Variants in RHEX observed in about 807,000 individuals in gnomAD.
RHEX encodes regulator of hemoglobinization and erythroid cell expansion.
In RHEX, 18 loss-of-function variants were observed where a neutral mutation model predicts 20.1. The observed-to-expected ratio is 0.90, with a 90% confidence interval of 0.62 to 1.33. The LOEUF is 1.33. RHEX is among the 40% of genes most tolerant of loss of function. The pLI is 0.00. For missense variants in RHEX, 192 were observed against 214.3 expected (o/e 0.90, Z 0.65); for synonymous variants, 87 against 77.1 (o/e 1.13, Z -0.67).
intron 3 of RHEX, among the ~76,000 whole-genome samples, chr1:206,099,280 C>T (rs530911865): frequency 1.4e-4 from 21 of 150,978 alleles, no homozygotes; most frequent in South Asian, 2.1e-4. Flanking sequence ...GTTCAACAGG[C>T]GCTGATTCAA....
rs781926574 is a variant in RHEX at position 206,101,170 on chromosome 1, C to T, written c.291C>T (p.Ser97=). 6.2e-7 allele frequency: 1 copy of T among 1,613,144 alleles called. No homozygotes were observed. Among genetic ancestry groups the T allele is most frequent in the South Asian group, 1.1e-5 (1 of 90,890 alleles). ...DSDTPSDSLD[S]SCSSPPACQA... ...ACACACCCTCAGATAGCTTGGATAG[C>T]TCCTGCAGTTCGCCTCCTGCCTGCC... Residue 97 remains serine, a synonymous_variant, in exon 5 of 6, where the codon AGC becomes AGT. Transcript: ENST00000331555.
At position 206,071,211 on chromosome 1, in the gene RHEX, T is replaced by TG. The variant is rs1662522436; in HGVS notation, c.-97+17948dup. Among the ~76,000 whole-genome samples the TG allele has an allele frequency of 3.9e-5, 6 of 152,098 alleles. No individual in the cohort carries two copies. The South Asian group carries it at 1.2e-3, about 32-fold the overall frequency. ...CCAAGAGTCCAAAAGCTGAAGAACT[T>TG]GGAGTCTAATGTTCAAGGGCAGGAA... On this transcript the variant is annotated intron_variant, in intron 1 of 5. Transcript: ENST00000331555.
intron 1 of RHEX, among the ~76,000 whole-genome samples, chr1:206,070,798 A>G (rs1662510595): frequency 6.6e-6 from 1 of 151,960 alleles, no homozygotes; most frequent in South Asian, 2.1e-4. Context: ...CCTCCCCACC[A>G]CTGGTCACCC....
intron 1 of RHEX, among the ~76,000 whole-genome samples, chr1:206,070,940 G>C (rs548832722): frequency 1.2e-4 from 19 of 152,240 alleles, no homozygotes; most frequent in African/African-American, 4.1e-4. Flanking sequence ...GATAGGTATT[G>C]GCTGATTTTA....
At chr1:206,060,547 C>T (rs1372654780) in intron 1 of RHEX, 2 of 152,480 alleles carry the variant, frequency 1.3e-5, no homozygotes, top group East Asian at 3.8e-4. Context: ...GTGATGGAGG[C>T]TAGAGCTGAA....
At chr1:206,100,762 A>G (rs1553288279) in intron 4 of RHEX, among the ~76,000 whole-genome samples, 1 of 152,204 alleles carries the variant, frequency 6.6e-6, no homozygotes, top group East Asian at 1.9e-4. Context: ...AGCTGTTTGC[A>G]TTGGGTCACA....
At chr1:206,059,092 A>G (rs563982776) in intron 1 of RHEX, among the ~76,000 whole-genome samples, 1 of 152,196 alleles carries the variant, frequency 6.6e-6, no homozygotes, top group African/African-American at 2.4e-5. Flanking sequence ...CCCCAGCTGG[A>G]GACCCAAGTT....
At chr1:206,094,619 A>G (rs979199417) in intron 1 of RHEX, among the ~76,000 whole-genome samples, 24 of 152,344 alleles carry the variant, frequency 1.6e-4, no homozygotes, top group African/African-American at 5.5e-4. Context: ...ACTGAATTCA[A>G]TAATTAACAT....
At chr1:206,057,438 T>C (rs1262702719) in intron 1 of RHEX, among the ~76,000 whole-genome samples, 1 of 152,278 alleles carries the variant, frequency 6.6e-6, no homozygotes. Context: ...TTAGTTGTCT[T>C]GGGCAAAAGC....
chr1:206,094,613 A>T (rs1553287457), intron 1 of RHEX, among the ~76,000 whole-genome samples: 1 of 152,242 alleles, frequency 6.6e-6, no homozygotes. Flanking sequence ...TGAGACACTG[A>T]ATTCAATAAT....
At chr1:206,056,650 G>T (rs1662200276) in intron 1 of RHEX, among the ~76,000 whole-genome samples, 1 of 152,176 alleles carries the variant, frequency 6.6e-6, no homozygotes, top group African/African-American at 2.4e-5. Context: ...TACAATTAAG[G>T]ACTGGTCCTT....
intron 1 of RHEX, among the ~76,000 whole-genome samples, chr1:206,064,416 C>G: frequency 1.7e-5 from 2 of 120,296 alleles, no homozygotes; most frequent in Admixed American, 7.7e-5. Context: ...GCCCGGCCAG[C>G]CGCCCCGTCC....
chr1:206,102,286 T>G lies in RHEX; in HGVS notation c.*334T>G, dbSNP rs1558181801. ...GAACTATGGAGTCCATCAGCAGAGATAGTAGTGAAGTCTCTCCCCAGGGAA... is the reference window on the plus strand; with the variant it reads ...GAACTATGGAGTCCATCAGCAGAGAGAGTAGTGAAGTCTCTCCCCAGGGAA... On this transcript the variant is annotated 3_prime_UTR_variant, in exon 6 of 6. Coordinates refer to ENST00000331555, the MANE Select transcript of RHEX (RefSeq NM_001007544.4). The G allele has an allele frequency of 6.9e-6, 2 of 287,868 alleles. No individual in the cohort carries two copies. The highest frequency in any genetic ancestry group is 2.1e-5 in the African/African-American group (1 of 46,640). The allele number at this position is 287,868 out of a possible 1,614,324, so 17.8% of individuals were successfully genotyped here. A position where few individuals can be genotyped will look rare whatever the true frequency, so the allele number is the denominator to read the frequency against.
intron 1 of RHEX, among the ~76,000 whole-genome samples, chr1:206,075,875 A>G (rs1571862110): frequency 6.6e-6 from 1 of 152,230 alleles, no homozygotes; most frequent in African/African-American, 2.4e-5. Flanking sequence ...TCCTACGATT[A>G]CAGGCATGAG....
chr1:206,055,332 TCAGC>T (rs1266964937), intron 1 of RHEX, among the ~76,000 whole-genome samples: 1 of 152,266 alleles, frequency 6.6e-6, no homozygotes, highest in Admixed American at 6.5e-5. Flanking sequence ...TATCAGTCAG[TCAGC>T]CCTTGTTCAT....
At chr1:206,053,867 G>A (rs1553282130) in intron 1 of RHEX, among the ~76,000 whole-genome samples, 1 of 152,202 alleles carries the variant, frequency 6.6e-6, no homozygotes, top group African/African-American at 2.4e-5. Flanking sequence ...TAAGCGGCTG[G>A]CAGAGGCAAG....
At position 206,099,766 on chromosome 1, in the gene RHEX, G is replaced by A. The variant is rs539961606; in HGVS notation, c.224G>A (p.Arg75Lys). Residue 75 changes from arginine to lysine, a missense_variant, in exon 4 of 6, where the codon AGA becomes AAA. Arg to Lys is a conservative substitution (Grantham distance 26). Coordinates refer to ENST00000331555, the MANE Select transcript of RHEX (RefSeq NM_001007544.4). ...GAGATGAAGGAGACTCAGACAGAGA[G>A]AGACATCCCAATGTCTGATTCCCTT... is the stretch of plus-strand genomic sequence containing the variant. ...VKEMKETQTERDIPMSDSLYR... is the reference protein window; with the variant it reads ...VKEMKETQTEKDIPMSDSLYR... 1.5e-5 allele frequency: 24 copies of A among 1,614,104 alleles called. No homozygotes were observed. The Admixed American group carries it at 1.7e-4, about 11-fold the overall frequency.
chr1:206,062,804 G>A (rs1313725902), intron 1 of RHEX, among the ~76,000 whole-genome samples: 1 of 152,156 alleles, frequency 6.6e-6, no homozygotes, highest in Non-Finnish European at 1.5e-5. Context: ...TGTGGTAGAT[G>A]ACTGGAACTT....
At chr1:206,070,675 C>T (rs1051794232) in intron 1 of RHEX, among the ~76,000 whole-genome samples, 5 of 152,146 alleles carry the variant, frequency 3.3e-5, no homozygotes, top group South Asian at 2.1e-4. Flanking sequence ...GAATTGCTGG[C>T]GCCTGGTGAC....
Sources: allele counts gnomAD v4.1 joint callset (sites outside exome capture counted in the v4.1 genomes callset), GRCh38; gene constraint gnomAD v4.1.1; transcripts MANE v1.5; gene names NCBI Gene and HGNC (gene_info 2026-07-23, HGNC 2026-07-21).